Variants in EGFLAM observed in about 807,000 individuals in gnomAD.
EGFLAM encodes pikachurin.
In EGFLAM, 79 loss-of-function variants were observed where a neutral mutation model predicts 113.1. The ratio of observed to expected loss-of-function variants is 0.70; its 90% CI spans 0.58 to 0.84. The LOEUF is 0.84. EGFLAM is among the 40% of genes least tolerant of loss of function. The pLI is 0.00. For synonymous variants in EGFLAM, 504 were observed against 487.6 expected (o/e 1.03, Z -0.44); for missense variants, 1,265 against 1,291.6 (o/e 0.98, Z 0.32).
intron 9 of EGFLAM, among the ~76,000 whole-genome samples, chr5:38,408,755 G>A (rs990791280): frequency 5.3e-5 from 8 of 152,172 alleles, no homozygotes; most frequent in Admixed American, 1.3e-4. Flanking sequence ...AGTAAAGAGC[G>A]GGTCAAAGAT....
chr5:38,295,202 C>T (rs1301515522), intron 1 of EGFLAM, among the ~76,000 whole-genome samples: 2 of 152,148 alleles, frequency 1.3e-5, no homozygotes, highest in East Asian at 3.8e-4. Context: ...ATGCTGATGG[C>T]AACACATCAT....
intron 1 of EGFLAM, 107 bp from the exon 2 acceptor site, chr5:38,337,413 T>A: frequency 2.9e-6 from 3 of 1,035,904 alleles, no homozygotes; most frequent in South Asian, 1.8e-5. Context: ...GAATTATCTT[T>A]AAGTATGCTT....
intron 3 of EGFLAM, among the ~76,000 whole-genome samples, chr5:38,342,355 C>T (rs886957540): frequency 6.6e-5 from 10 of 152,176 alleles, no homozygotes; most frequent in Admixed American, 2.6e-4. Flanking sequence ...CCTCCTTTTA[C>T]CTCCTCTTTT....
At chr5:38,297,353 A>C (rs1758472646) in intron 1 of EGFLAM, among the ~76,000 whole-genome samples, 2 of 152,292 alleles carry the variant, frequency 1.3e-5, no homozygotes, top group South Asian at 2.1e-4. Flanking sequence ...GAGGTCAGGG[A>C]TCTTATTGTA....
At chr5:38,300,524 T>C (rs967750020) in intron 1 of EGFLAM, among the ~76,000 whole-genome samples, 1 of 152,240 alleles carries the variant, frequency 6.6e-6, no homozygotes, top group Admixed American at 6.5e-5. Flanking sequence ...TACAGGCACA[T>C]GCCACCATGC....
chr5:38,327,614 T>C (rs1738924844), intron 1 of EGFLAM, among the ~76,000 whole-genome samples: 1 of 152,236 alleles, frequency 6.6e-6, no homozygotes. Context: ...CTTTTTTTAA[T>C]AGATTTTTTA....
intron 1 of EGFLAM, among the ~76,000 whole-genome samples, chr5:38,302,515 A>G (rs956374819): frequency 6.6e-6 from 1 of 152,170 alleles, no homozygotes; most frequent in African/African-American, 2.4e-5. Flanking sequence ...AAATGTAAAT[A>G]TAAATTTTGA....
At chr5:38,462,173 T>A (rs112698335) in intron 20 of EGFLAM, among the ~76,000 whole-genome samples, 1 of 151,768 alleles carries the variant, frequency 6.6e-6, no homozygotes, top group Non-Finnish European at 1.5e-5. Context: ...TCTCAAAAAA[T>A]AAAATAAAAT....
chr5:38,326,223 G>C (rs1738876372), intron 1 of EGFLAM, among the ~76,000 whole-genome samples: 1 of 152,178 alleles, frequency 6.6e-6, no homozygotes, highest in Admixed American at 6.5e-5. Flanking sequence ...CTGCTATGAT[G>C]GGGGCCCAAA....
chr5:38,364,791 A>C (rs930527025), intron 5 of EGFLAM, among the ~76,000 whole-genome samples: 1 of 152,186 alleles, frequency 6.6e-6, no homozygotes, highest in Admixed American at 6.5e-5. Context: ...GATTCAAGGC[A>C]TGGGATTGTC....
At chr5:38,270,021 A>T (rs1310059745) in intron 1 of EGFLAM, among the ~76,000 whole-genome samples, 1 of 152,218 alleles carries the variant, frequency 6.6e-6, no homozygotes, top group Non-Finnish European at 1.5e-5. Flanking sequence ...CTCTGCAGCC[A>T]GGAGGGACCT....
At chr5:38,354,926 G>A (rs112863025) in intron 5 of EGFLAM, among the ~76,000 whole-genome samples, 9 of 152,302 alleles carry the variant, frequency 5.9e-5, no homozygotes, top group African/African-American at 1.9e-4. Context: ...AGATGAAAGA[G>A]TCACTGGATT....
intron 1 of EGFLAM, among the ~76,000 whole-genome samples, chr5:38,273,236 A>G (rs1449145101): frequency 3.3e-5 from 5 of 152,234 alleles, no homozygotes; most frequent in Non-Finnish European, 7.3e-5. Context: ...TTGCACTCTA[A>G]TTCTGGGCTC....
At chr5:38,261,186 G>T (rs1366696538) in intron 1 of EGFLAM, among the ~76,000 whole-genome samples, 1 of 152,152 alleles carries the variant, frequency 6.6e-6, no homozygotes, top group African/African-American at 2.4e-5. Flanking sequence ...CTGAGTAGCA[G>T]CTTCAAGTCT....
intron 21 of EGFLAM, 53 bp downstream of exon 21, chr5:38,463,064 A>G: frequency 6.4e-7 from 1 of 1,558,998 alleles, no homozygotes; most frequent in Non-Finnish European, 8.8e-7. Context: ...TTTTCTTGTT[A>G]GTCTTCCATT....
intron 5 of EGFLAM, among the ~76,000 whole-genome samples, chr5:38,358,920 G>A (rs143456851): frequency 6.6e-6 from 1 of 152,256 alleles, no homozygotes; most frequent in East Asian, 1.9e-4. Flanking sequence ...AAACACAAAA[G>A]CCATGTGTTT....
chr5:38,362,108 C>G (rs1387385331), intron 5 of EGFLAM, among the ~76,000 whole-genome samples: 2 of 152,174 alleles, frequency 1.3e-5, no homozygotes, highest in Non-Finnish European at 2.9e-5. Flanking sequence ...CAACGAGGAT[C>G]TGCACATATG....
chr5:38,314,415 G>A lies in EGFLAM; in HGVS notation c.98-23105G>A, dbSNP rs1032441925. Among the ~76,000 whole-genome samples the A allele has an allele frequency of 3.5e-4, 53 of 152,268 alleles. 1 individual carries two copies. The highest frequency in any genetic ancestry group is 1.2e-3 in the African/African-American group (51 of 41,548). On this transcript the variant is annotated intron_variant, in intron 1 of 21. Transcript: ENST00000322350. ...AGTCCACTATTTCAAGAGAGGGTCC[G>A]GCAGAGCCAGAACCATTATGTGAAT...
rs751388702 is a variant in EGFLAM, at chr5:38,412,583, T to C, written c.1429T>C (p.Tyr477His). ...KLGGWHTVMLYRDGLNGLLQL... is the reference protein window; with the variant it reads ...KLGGWHTVMLHRDGLNGLLQL... ...AGGGGGTTGGCACACGGTTATGCTC[T>C]ACAGAGATGGGCTGAACGGGCTGCT... The change falls in exon 11 of 22, where the codon TAC (tyrosine) becomes CAC (histidine). Residue 477 changes from tyrosine (Y) to histidine (H), a missense_variant. By Grantham distance (83) the Tyr-to-His change is moderately conservative. Coordinates refer to ENST00000322350, the MANE Select transcript of EGFLAM (RefSeq NM_152403.4). The C allele has an allele frequency of 6.2e-7, 1 of 1,614,194 alleles. No individual in the cohort carries two copies. The highest frequency in any genetic ancestry group is 8.5e-7 in the Non-Finnish European group (1 of 1,180,038).
Sources: gnomAD v4.1 joint callset for allele counts (sites outside exome capture counted in the v4.1 genomes callset) on GRCh38, gnomAD v4.1.1 for gene constraint, MANE v1.5 for transcripts, NCBI Gene and HGNC (gene_info 2026-07-23, HGNC 2026-07-21) for gene names.